Variants in CNTNAP2 observed in about 807,000 individuals in gnomAD.
The protein encoded by CNTNAP2 is contactin associated protein 2.
In CNTNAP2, 98 loss-of-function variants were observed where a neutral mutation model predicts 155.2. The ratio of observed to expected loss-of-function variants is 0.63; its 90% confidence interval spans 0.54 to 0.75. The LOEUF (loss-of-function observed/expected upper bound fraction) is 0.75. Among genes scored for constraint, CNTNAP2 ranks in the 30% least tolerant of loss-of-function variants. The pLI is 0.00. For missense variants in CNTNAP2, 1,727 were observed against 1,688.1 expected, an observed-to-expected ratio of 1.02 and a Z score of -0.40; for synonymous variants, 651 against 631.2, an observed-to-expected ratio of 1.03 and a Z score of -0.47.
intron 2 of CNTNAP2, among the ~76,000 whole-genome samples, chr7:146,789,824 A>G (rs1165921588): frequency 6.6e-6 from 1 of 151,364 alleles, no homozygotes; most frequent in African/African-American, 2.4e-5. Context: ...GCAGTAAGTC[A>G]GTACAAAGTG....
At chr7:147,229,052 T>G (rs200475117) in intron 8 of CNTNAP2, among the ~76,000 whole-genome samples, 3,741 of 151,464 alleles carry the variant, frequency 0.025, 62 homozygotes, top group Middle Eastern at 0.034. Flanking sequence ...TATATATATA[T>G]ATATAGAGAG....
chr7:147,584,131 G>T (rs913260289), intron 12 of CNTNAP2, among the ~76,000 whole-genome samples: 2 of 152,146 alleles, frequency 1.3e-5, no homozygotes, highest in African/African-American at 4.8e-5. Context: ...TTTGGGGAAT[G>T]GCTCAACCAA....
chr7:147,522,617 A>T (rs562468312), intron 11 of CNTNAP2, among the ~76,000 whole-genome samples: 1 of 152,230 alleles, frequency 6.6e-6, no homozygotes, highest in Admixed American at 6.5e-5. Context: ...AGGAGCAGTA[A>T]ACATTTTTTT....
At chr7:148,277,120 C>CAGGG (rs1796883136) in intron 21 of CNTNAP2, among the ~76,000 whole-genome samples, 1 of 152,050 alleles carries the variant, frequency 6.6e-6, no homozygotes, top group Non-Finnish European at 1.5e-5. Context: ...TAAAAGGAGA[C>CAGGG]AGGCAGCAAC....
chr7:146,420,043 C>A (rs898667228), intron 1 of CNTNAP2, among the ~76,000 whole-genome samples: 2 of 152,094 alleles, frequency 1.3e-5, no homozygotes, highest in African/African-American at 2.4e-5. Flanking sequence ...TCCCTTTGGG[C>A]CACCCTCTAG....
chr7:147,901,689 T>G (rs1799871032), intron 13 of CNTNAP2, among the ~76,000 whole-genome samples: 1 of 152,240 alleles, frequency 6.6e-6, no homozygotes, highest in African/African-American at 2.4e-5. Context: ...TCAACTATTT[T>G]GCCTCCTCTG....
intron 11 of CNTNAP2, among the ~76,000 whole-genome samples, chr7:147,548,925 G>C (rs1257909332): frequency 6.6e-6 from 1 of 152,100 alleles, no homozygotes; most frequent in Non-Finnish European, 1.5e-5. Context: ...TAGATGTATG[G>C]TGTTATTTCT....
intron 9 of CNTNAP2, among the ~76,000 whole-genome samples, chr7:147,367,818 C>A (rs1002749702): frequency 6.6e-6 from 1 of 151,908 alleles, no homozygotes; most frequent in Non-Finnish European, 1.5e-5. Flanking sequence ...TTATGAGAAG[C>A]CTGAAAAGTG....
At chr7:147,694,494 G>A (rs1401481486) in intron 13 of CNTNAP2, among the ~76,000 whole-genome samples, 2 of 152,036 alleles carry the variant, frequency 1.3e-5, no homozygotes, top group Admixed American at 6.6e-5. Context: ...GATTTAGAAG[G>A]TTATTAATTA....
At position 147,132,486 on chromosome 7, in the gene CNTNAP2, T is replaced by G. The variant is rs755900240; in HGVS notation, c.1325T>G (p.Met442Arg). ...GVHINITQTK[M>R]SQIDISSGSG... ...CACATCAACATCACACAGACCAAGA[T>G]GAGCCAAATCGATATTTCCTCAGGT... Residue 442 changes from methionine to arginine, a missense_variant, in exon 8 of 24, where the codon ATG becomes AGG. By Grantham distance (91) the Met-to-Arg change is moderately conservative. Coordinates refer to ENST00000361727, the MANE Select transcript of CNTNAP2 (RefSeq NM_014141.6). 5 of 1,613,610 alleles carry G rather than the reference T, an allele frequency of 3.1e-6. No individual in the cohort carries two copies. Among genetic ancestry groups the G allele is most frequent in the Middle Eastern group, 1.7e-4 (1 of 6,058 alleles).
intron 12 of CNTNAP2, among the ~76,000 whole-genome samples, chr7:147,629,333 G>A (rs1240749465): frequency 2.0e-5 from 3 of 151,664 alleles, no homozygotes; most frequent in East Asian, 3.9e-4. Context: ...AACCCCAGAG[G>A]CAGAGGTTGC....
chr7:147,120,974 C>T lies in CNTNAP2; in HGVS notation c.755-5C>T, dbSNP rs369675346. On this transcript the variant is annotated splice_polypyrimidine_tract_variant and splice_region_variant and intron_variant, in intron 5 of 23. Transcript: ENST00000361727. ...ATTGTTTCTTTTTCACTTCTGTGTA[C>T]GCAGGAAGCAACCAGCTTGGCCCCA... 1.7e-4 allele frequency: 272 copies of T among 1,613,146 alleles called. No individual in the cohort carries two copies. Among genetic ancestry groups the T allele is most frequent in the Admixed American group, 8.0e-4 (48 of 60,010 alleles).
At chr7:146,297,936 C>T (rs1411690257) in intron 1 of CNTNAP2, among the ~76,000 whole-genome samples, 1 of 152,082 alleles carries the variant, frequency 6.6e-6, no homozygotes, top group Non-Finnish European at 1.5e-5. Flanking sequence ...ATATGAACTG[C>T]TAGCACAAAT....
At chr7:146,803,139 A>G (rs1286269122) in intron 2 of CNTNAP2, among the ~76,000 whole-genome samples, 3 of 152,208 alleles carry the variant, frequency 2.0e-5, no homozygotes, top group African/African-American at 4.8e-5. Context: ...TGAGGAGGTC[A>G]TGATTCTTGA....
At chr7:147,176,229 C>A (rs1802335611) in intron 8 of CNTNAP2, among the ~76,000 whole-genome samples, 1 of 152,116 alleles carries the variant, frequency 6.6e-6, no homozygotes, top group Non-Finnish European at 1.5e-5. Flanking sequence ...AATTGAAGAT[C>A]CATTTACCTC....
At position 146,171,360 on chromosome 7, in the gene CNTNAP2, C is replaced by T. The variant is rs777625346; in HGVS notation, c.97+54387C>T. Among the ~76,000 whole-genome samples, 3 of 151,812 alleles carry T rather than the reference C, an allele frequency of 2.0e-5. 1 individual carries two copies. Among genetic ancestry groups the T allele is most frequent in the Non-Finnish European group, 2.9e-5 (2 of 67,954 alleles). On this transcript the variant is annotated intron_variant, in intron 1 of 23. Transcript: ENST00000361727. ...TCTTTGAGCCTATTTCTTTGATATT[C>T]GTTATTTAGAGGTGCTGAAAGAGGG...
chr7:148,353,976 G>A (rs76208763), intron 21 of CNTNAP2, among the ~76,000 whole-genome samples: 5,542 of 152,154 alleles, frequency 0.036, 105 homozygotes, highest in African/African-American at 0.049. Context: ...TATTATCATC[G>A]AACGTTTCCT....
At chr7:148,309,399 A>G (rs971174638) in intron 21 of CNTNAP2, among the ~76,000 whole-genome samples, 5 of 152,226 alleles carry the variant, frequency 3.3e-5, no homozygotes, top group African/African-American at 1.2e-4. Flanking sequence ...CAAAGCCTTC[A>G]GTCGAGATGA....
At chr7:146,197,300 ATGTC>A (rs1584797758) in intron 1 of CNTNAP2, among the ~76,000 whole-genome samples, 1 of 152,222 alleles carries the variant, frequency 6.6e-6, no homozygotes, top group Non-Finnish European at 1.5e-5. Flanking sequence ...TTACTAAAGA[ATGTC>A]TGTTTGCACA....
Sources: gnomAD v4.1 joint callset for allele counts (sites outside exome capture counted in the v4.1 genomes callset) on GRCh38, gnomAD v4.1.1 for gene constraint, MANE v1.5 for transcripts, NCBI Gene and HGNC (gene_info 2026-07-23, HGNC 2026-07-21) for gene names.